Variants in SCN11A observed in about 807,000 individuals in gnomAD.
SCN11A encodes the protein sodium voltage-gated channel alpha subunit 11.
A neutral mutation model predicts 162.2 loss-of-function variants in SCN11A; 122 were observed. The observed-to-expected ratio is 0.75, with a 90% CI of 0.65 to 0.87. The LOEUF is 0.87. Ranked by LOEUF, SCN11A falls within the 40% of genes least tolerant of loss-of-function variation. The pLI is 0.00. For missense variants in SCN11A, 2,015 were observed against 2,181.6 expected, an observed-to-expected ratio of 0.92 and a Z score of 1.52; for synonymous variants, 758 against 751.5, an observed-to-expected ratio of 1.01 and a Z score of -0.14.
intron 7 of SCN11A, among the ~76,000 whole-genome samples, chr3:38,941,277 T>C (rs1041288316): frequency 7.2e-5 from 11 of 152,154 alleles, no homozygotes; most frequent in African/African-American, 2.4e-4. Context: ...GAAAAACAAA[T>C]TGTCAAGCAC....
At chr3:38,869,795 C>T (rs1304228837) in intron 26 of SCN11A, among the ~76,000 whole-genome samples, 1 of 152,168 alleles carries the variant, frequency 6.6e-6, no homozygotes, top group Non-Finnish European at 1.5e-5. Flanking sequence ...AAAGGAAATG[C>T]TCACTGTGGC....
chr3:38,950,013 G>A (rs1461060566), intron 5 of SCN11A, 83 bp downstream of exon 5: 2 of 831,372 alleles, frequency 2.4e-6, no homozygotes, highest in East Asian at 2.8e-5. Flanking sequence ...TAAGAGTGGT[G>A]TTTGGAGAAC....
intron 23 of SCN11A, among the ~76,000 whole-genome samples, chr3:38,875,570 C>T (rs1166596547): frequency 6.6e-6 from 1 of 152,018 alleles, no homozygotes; most frequent in Admixed American, 6.6e-5. Flanking sequence ...AGTGACCAAG[C>T]TGAGAAACAA....
chr3:38,870,214 G>A (rs2065103011), intron 26 of SCN11A, among the ~76,000 whole-genome samples: 1 of 152,142 alleles, frequency 6.6e-6, no homozygotes, highest in Non-Finnish European at 1.5e-5. Context: ...TCAACAGCTG[G>A]TCATCACTAG....
chr3:38,944,389 C>T lies in SCN11A; in HGVS notation c.488+1022G>A, dbSNP rs182689663. Among the ~76,000 whole-genome samples the T allele has an allele frequency of 7.9e-3, 1,201 of 151,416 alleles. 19 individuals are homozygous for T. Among genetic ancestry groups the T allele is most frequent in the African/African-American group, 0.027 (1,121 of 41,246 alleles). ...TGTTGCCCAGGCTGGAATGCAGTGG[C>T]TCACTGGGCTCACTGCAAGCTCCGC... On this transcript the variant is annotated intron_variant, in intron 7 of 29. Transcript: ENST00000302328.
intron 1 of SCN11A, among the ~76,000 whole-genome samples, chr3:39,035,740 T>C (rs1217554202): frequency 6.6e-6 from 1 of 150,736 alleles, no homozygotes; most frequent in Non-Finnish European, 1.5e-5. Context: ...CCCGGGTTCA[T>C]GCCATTCTCC....
intron 27 of SCN11A, 148 bp from the exon 28 acceptor site, chr3:38,863,447 C>A (rs190766477): frequency 1.8e-6 from 1 of 544,818 alleles, no homozygotes; most frequent in East Asian, 2.9e-5. Context: ...TGGACCATAG[C>A]GAAATGCTGT....
At chr3:38,882,943 A>G (rs1444907044) in intron 22 of SCN11A, among the ~76,000 whole-genome samples, 1 of 152,170 alleles carries the variant, frequency 6.6e-6, no homozygotes, top group East Asian at 1.9e-4. Flanking sequence ...AATGTCTAGA[A>G]ATCCCCCAAA....
At chr3:39,044,234 TG>T (rs1195506982) in intron 1 of SCN11A, among the ~76,000 whole-genome samples, 3 of 152,152 alleles carry the variant, frequency 2.0e-5, no homozygotes, top group African/African-American at 4.8e-5. Flanking sequence ...ACAATTAAGT[TG>T]GGGATTTCAA....
chr3:38,993,301 C>T (rs540056494), intron 2 of SCN11A, among the ~76,000 whole-genome samples: 45 of 152,128 alleles, frequency 3.0e-4, no homozygotes, highest in Non-Finnish European at 6.0e-4. Context: ...AGGATGAAGG[C>T]TACCGGGATC....
intron 3 of SCN11A, among the ~76,000 whole-genome samples, chr3:38,956,828 G>T (rs773085127): frequency 7.2e-5 from 11 of 152,122 alleles, no homozygotes; most frequent in African/African-American, 2.4e-4. Context: ...GAAGATTAAA[G>T]ATACCAATTT....
chr3:39,040,455 G>A (rs941490708), intron 1 of SCN11A, among the ~76,000 whole-genome samples: 1 of 152,084 alleles, frequency 6.6e-6, no homozygotes, highest in African/African-American at 2.4e-5. Context: ...ATCAACATAG[G>A]AACACAAGAA....
chr3:38,957,052 C>A (rs2066690249), intron 3 of SCN11A, among the ~76,000 whole-genome samples: 1 of 152,142 alleles, frequency 6.6e-6, no homozygotes, highest in Non-Finnish European at 1.5e-5. Flanking sequence ...AAAACTTCTA[C>A]TCAAACTGTA....
chr3:39,041,061 G>T (rs559515281), intron 1 of SCN11A, among the ~76,000 whole-genome samples: 1 of 152,212 alleles, frequency 6.6e-6, no homozygotes, highest in African/African-American at 2.4e-5. Flanking sequence ...CGGCCTGGGC[G>T]AAAGAGCAAG....
intron 2 of SCN11A, among the ~76,000 whole-genome samples, chr3:38,991,052 T>G (rs973779528): frequency 3.3e-5 from 5 of 152,132 alleles, no homozygotes; most frequent in African/African-American, 1.2e-4. Flanking sequence ...CTTAGGAAAT[T>G]TCCAGGATGA....
intron 1 of SCN11A, among the ~76,000 whole-genome samples, chr3:39,050,214 G>A (rs1284639337): frequency 6.6e-6 from 1 of 152,116 alleles, no homozygotes; most frequent in African/African-American, 2.4e-5. Context: ...TTCCTGTAAT[G>A]TTCCATGCTC....
intron 18 of SCN11A, among the ~76,000 whole-genome samples, chr3:38,895,719 T>C (rs970730043): frequency 6.6e-6 from 1 of 152,160 alleles, no homozygotes; most frequent in Admixed American, 6.5e-5. Flanking sequence ...TTCCCACCTC[T>C]GGATCTTTGC....
At position 38,905,381 on chromosome 3, in the gene SCN11A, A is replaced by T. The variant is rs4514993; in HGVS notation, c.1474-60T>A. 0.88 allele frequency: 1,379,209 copies of T among 1,563,234 alleles called. 609,059 individuals are homozygous for T. The highest frequency in any genetic ancestry group is 0.91 in the South Asian group (75,778 of 83,326). On this transcript the variant is annotated intron_variant, in intron 14 of 29. Transcript: ENST00000302328. ...AGGGGCTGCCTCTCCTCAAAACTTA[A>T]CAAACTACTTTGTTCCAATGCTACA...
chr3:38,854,017 G>A (rs1004044770), intron 28 of SCN11A, among the ~76,000 whole-genome samples: 1 of 152,016 alleles, frequency 6.6e-6, no homozygotes, highest in Admixed American at 6.6e-5. Flanking sequence ...ATGGCCTATA[G>A]GACAAATCCA....
Sources: allele counts gnomAD v4.1 joint callset (sites outside exome capture counted in the v4.1 genomes callset), GRCh38; gene constraint gnomAD v4.1.1; transcripts MANE v1.5; gene names NCBI Gene and HGNC (gene_info 2026-07-23, HGNC 2026-07-21).